CACNB2: variants seen among roughly 807,000 people sequenced by gnomAD.
The protein encoded by CACNB2 is voltage-dependent L-type calcium channel subunit beta-2.
A neutral mutation model predicts 73.3 loss-of-function variants in CACNB2; 42 were observed. The observed-to-expected ratio is 0.57, with a 90% confidence interval of 0.45 to 0.74. The LOEUF (loss-of-function observed/expected upper bound fraction) is 0.74, where lower values mean the gene tolerates loss of function less well. CACNB2 is among the 30% of genes least tolerant of loss of function. The pLI is 0.00. For missense variants in CACNB2, 940 were observed against 853.0 expected (o/e 1.10, Z -1.27); for synonymous variants, 348 against 310.3 (o/e 1.12, Z -1.28).
At chr10:18,527,244 C>A (rs185783518) in intron 9 of CACNB2, among the ~76,000 whole-genome samples, 2 of 152,174 alleles carry the variant, frequency 1.3e-5, no homozygotes, top group African/African-American at 4.8e-5. Flanking sequence ...GGTGTGGTGG[C>A]ACACACCTGT....
At chr10:18,529,791 G>A (rs529616108) in intron 10 of CACNB2, among the ~76,000 whole-genome samples, 3 of 152,288 alleles carry the variant, frequency 2.0e-5, no homozygotes, top group Non-Finnish European at 4.4e-5. Flanking sequence ...TTCGCTTATA[G>A]CAATTTCTTT....
chr10:18,293,356 A>G (rs1163356330), intron 2 of CACNB2, among the ~76,000 whole-genome samples: 1 of 152,200 alleles, frequency 6.6e-6, no homozygotes, highest in Non-Finnish European at 1.5e-5. Flanking sequence ...GGATGGGTCC[A>G]AGGGCTAGTT....
At chr10:18,150,054 A>G (rs1483697540) in intron 1 of CACNB2, among the ~76,000 whole-genome samples, 1 of 152,172 alleles carries the variant, frequency 6.6e-6, no homozygotes, top group Non-Finnish European at 1.5e-5. Context: ...CTCAACTGTT[A>G]AGCTATTGTT....
chr10:18,217,796 G>A (rs978159774), intron 2 of CACNB2, among the ~76,000 whole-genome samples: 4 of 151,882 alleles, frequency 2.6e-5, no homozygotes, highest in African/African-American at 9.7e-5. Flanking sequence ...GCAGAAAGAG[G>A]GAAGGAGGAG....
At chr10:18,377,488 A>G (rs542674364) in intron 2 of CACNB2, among the ~76,000 whole-genome samples, 1 of 152,384 alleles carries the variant, frequency 6.6e-6, no homozygotes, top group South Asian at 2.1e-4. Context: ...GCAGCCATGA[A>G]CAATTCGTAC....
chr10:18,367,057 A>G (rs1218202623), intron 2 of CACNB2, among the ~76,000 whole-genome samples: 1 of 152,206 alleles, frequency 6.6e-6, no homozygotes, highest in African/African-American at 2.4e-5. Context: ...CGAAACATGT[A>G]CTACGATGAC....
chr10:18,290,786 C>T (rs2039032814), intron 2 of CACNB2, among the ~76,000 whole-genome samples: 1 of 152,158 alleles, frequency 6.6e-6, no homozygotes, highest in South Asian at 2.1e-4. Context: ...CAGAGGTCCG[C>T]CTGTATAATC....
chr10:18,194,808 C>T (rs975729465), intron 2 of CACNB2, among the ~76,000 whole-genome samples: 2 of 152,142 alleles, frequency 1.3e-5, no homozygotes, highest in African/African-American at 4.8e-5. Flanking sequence ...ACGAACATTC[C>T]TACAATTATG....
chr10:18,228,818 C>T (rs116179321), intron 2 of CACNB2, among the ~76,000 whole-genome samples: 4,470 of 152,230 alleles, frequency 0.029, 251 homozygotes, highest in African/African-American at 0.1. Context: ...CAGCTCGCTG[C>T]AGCCTCTGCC....
intron 2 of CACNB2, among the ~76,000 whole-genome samples, chr10:18,287,288 C>A (rs2131738104): frequency 6.6e-6 from 1 of 152,168 alleles, no homozygotes; most frequent in Middle Eastern, 3.4e-3. Flanking sequence ...GAGATCACAC[C>A]ACTGCACTCC....
chr10:18,366,389 CG>C (rs978804976), intron 2 of CACNB2, among the ~76,000 whole-genome samples: 1 of 148,552 alleles, frequency 6.7e-6, no homozygotes, highest in African/African-American at 2.5e-5. Context: ...GGTACGAACC[CG>C]GGAGGCGGAG....
chr10:18,345,207 G>A (rs1382855337), intron 2 of CACNB2, among the ~76,000 whole-genome samples: 1 of 152,186 alleles, frequency 6.6e-6, no homozygotes, highest in Non-Finnish European at 1.5e-5. Context: ...TGCACAGTGA[G>A]TGGGTTTGAA....
intron 2 of CACNB2, chr10:18,340,999 C>T (rs530723634): frequency 6.8e-6 from 11 of 1,612,746 alleles, no homozygotes; most frequent in African/African-American, 5.3e-5. Flanking sequence ...GGAGAGAAGC[C>T]GGCCAGATGC....
chr10:18,193,999 T>G (rs149584722), intron 2 of CACNB2, among the ~76,000 whole-genome samples: 1 of 152,278 alleles, frequency 6.6e-6, no homozygotes, highest in East Asian at 1.9e-4. Flanking sequence ...GATAGAAAGC[T>G]TCTGGAGTAT....
At chr10:18,235,387 G>T (rs1385719633) in intron 2 of CACNB2, among the ~76,000 whole-genome samples, 1 of 151,994 alleles carries the variant, frequency 6.6e-6, no homozygotes, top group Non-Finnish European at 1.5e-5. Context: ...GATCCTAGAA[G>T]GTTAAGGCTG....
At chr10:18,348,303 A>C (rs12240995) in intron 2 of CACNB2, among the ~76,000 whole-genome samples, 18,219 of 152,252 alleles carry the variant, frequency 0.12, 1,185 homozygotes, top group Admixed American at 0.15. Flanking sequence ...TCAATTTAGA[A>C]TACTTACTGA....
intron 2 of CACNB2, among the ~76,000 whole-genome samples, chr10:18,329,507 A>AG (rs2040716013): frequency 9.8e-6 from 1 of 102,432 alleles, no homozygotes; most frequent in African/African-American, 4.6e-5. Context: ...AAAAAAAGAA[A>AG]AAAAAAAAAA....
At chr10:18,425,580 G>C (rs1467782398) in intron 3 of CACNB2, among the ~76,000 whole-genome samples, 1 of 152,004 alleles carries the variant, frequency 6.6e-6, no homozygotes, top group East Asian at 1.9e-4. Context: ...AGTTGGGGGG[G>C]TTGCTTGAGC....
chr10:18,154,737 G>A (rs913818152), intron 2 of CACNB2, among the ~76,000 whole-genome samples: 3 of 152,062 alleles, frequency 2.0e-5, no homozygotes, highest in Non-Finnish European at 4.4e-5. Flanking sequence ...CAAAGTGCTG[G>A]GATTACAGAC....
Sources: gnomAD v4.1 joint callset for allele counts (sites outside exome capture counted in the v4.1 genomes callset) on GRCh38, gnomAD v4.1.1 for gene constraint, MANE v1.5 for transcripts, NCBI Gene and HGNC (gene_info 2026-07-23, HGNC 2026-07-21) for gene names.